The following DSCAML1 variants were observed in gnomAD, a reference collection of about 807,000 sequenced individuals.
DSCAML1 encodes cell adhesion molecule DSCAML1.
DSCAML1 carries 38 observed loss-of-function variants against 200.5 expected under a neutral mutation model. The ratio of observed to expected loss-of-function variants is 0.19; its 90% confidence interval spans 0.15 to 0.25. DSCAML1 has a LOEUF of 0.25. Among genes scored for constraint, DSCAML1 ranks in the 10% least tolerant of loss-of-function variants. DSCAML1 has a pLI of 1.00. For missense variants in DSCAML1, 2,223 were observed against 2,858.8 expected (o/e 0.78, Z 5.07); for synonymous variants, 1,215 against 1,165.0 (o/e 1.04, Z -0.87).
At position 117,430,915 on chromosome 11, in the gene DSCAML1, G is replaced by T; in HGVS notation, c.5493C>A (p.Ile1831=). The T allele has an allele frequency of 1.9e-6, 3 of 1,614,178 alleles. No homozygotes were observed. The highest frequency in any genetic ancestry group is 2.5e-6 in the Non-Finnish European group (3 of 1,180,040). The change falls in exon 32 of 33, where the codon ATC becomes ATA. Residue 1831 remains isoleucine, a synonymous_variant. Transcript: ENST00000651296. ...AACTGTCAGAGATGAAGCACTCGGT[G>T]ATCTCAAACTTGGCGTGCTGCAGCT... ...EEQLQHAKFE[I]TECFISDSSS...
intron 2 of DSCAML1, among the ~76,000 whole-genome samples, chr11:117,777,598 T>G (rs2055152322): frequency 6.6e-6 from 1 of 152,132 alleles, no homozygotes; most frequent in Non-Finnish European, 1.5e-5. Context: ...ATGGACACAG[T>G]CTCCAAGATT....
chr11:117,491,090 C>G (rs1175613765), intron 11 of DSCAML1, among the ~76,000 whole-genome samples: 1 of 152,108 alleles, frequency 6.6e-6, no homozygotes, highest in Non-Finnish European at 1.5e-5. Context: ...AGCGAGCGAG[C>G]AGTGTGTGTG....
chr11:117,438,756 G>A (rs2047975664), intron 24 of DSCAML1, 129 bp downstream of exon 24: 2 of 856,780 alleles, frequency 2.3e-6, no homozygotes, highest in Non-Finnish European at 3.3e-6. Flanking sequence ...TGACTTCCTT[G>A]TGGGTCACTT....
At chr11:117,486,345 T>G (rs904272746) in intron 11 of DSCAML1, among the ~76,000 whole-genome samples, 3 of 148,094 alleles carry the variant, frequency 2.0e-5, no homozygotes, top group East Asian at 2.0e-4. Context: ...ATGGCGGATG[T>G]GATAATGGCG....
Position 117,504,917 on chromosome 11 carries a change from G to A in DSCAML1, c.2182+7C>T, listed in dbSNP as rs757280256. 4 of 1,603,076 alleles carry A rather than the reference G, an allele frequency of 2.5e-6. No homozygotes were observed. In the South Asian group the frequency reaches 3.4e-5, roughly 14 times the overall value. On this transcript the variant is annotated splice_region_variant and intron_variant, in intron 10 of 32. Coordinates refer to ENST00000651296, the MANE Select transcript of DSCAML1 (RefSeq NM_020693.4). The surrounding 1 kb of genome is among the most constrained non-coding windows in gnomAD (Gnocchi z 5.0). ...TCTTGGAGATTCTGGCTGGGCCAGG[G>A]GCTTACCCTTGGCATGCTTCCACAT...
chr11:117,428,611 G>A lies in DSCAML1; in HGVS notation c.5879C>T (p.Ala1960Val), dbSNP rs546069251. 4 of 1,606,996 alleles carry A rather than the reference G, an allele frequency of 2.5e-6. No individual in the cohort carries two copies. Among genetic ancestry groups the A allele is most frequent in the Admixed American group, 3.4e-5 (2 of 59,182 alleles). The change falls in exon 33 of 33, where the codon GCC becomes GTC. Residue 1960 changes from alanine to valine, a missense_variant. This residue lies in a region of DSCAML1 where 280 missense variants were observed against 213.4 expected (regional missense o/e 1.31). Coordinates refer to ENST00000651296, the MANE Select transcript of DSCAML1 (RefSeq NM_020693.4). Reference protein sequence around the residue: ...SKSLGLPHPGAPAAASTATLP... With the variant: ...SKSLGLPHPGVPAAASTATLP... ...GGTGGCTGTGGAGGCGGCAGCGGGG[G>A]CCCCTGGGTGGGGAAGGCCCAAGGA...
chr11:117,438,976 CG>C lies in DSCAML1; in HGVS notation c.4151del (p.Pro1384ArgfsTer18). The stretch of plus-strand genomic sequence containing the variant: ...TGGAGACAGTGAGGCGGGGCTGGTC[CG>C]GGGGAACTGTGAGGGGAAAGCCACC... ...IIVNLLVQVPPDQPRLTVSKT... is the reference protein window; with the variant it reads ...IIVNLLVQVPXDQPRLTVSKT... On this transcript the variant is annotated frameshift_variant, in exon 24 of 33. Transcript: ENST00000651296. LOFTEE classifies it high-confidence loss of function. 6.2e-7 allele frequency: 1 copy of C among 1,603,756 alleles called. No homozygotes were observed. Among genetic ancestry groups the C allele is most frequent in the Non-Finnish European group, 8.5e-7 (1 of 1,176,360 alleles).
At chr11:117,654,191 G>C (rs2052688958) in intron 3 of DSCAML1, among the ~76,000 whole-genome samples, 1 of 152,172 alleles carries the variant, frequency 6.6e-6, no homozygotes, top group Non-Finnish European at 1.5e-5. Context: ...GGACAGAGGT[G>C]GGGTGGGGAA....
rs747573330 is a variant in DSCAML1 at position 117,518,482 on chromosome 11, C to T, written c.1494G>A (p.Ala498=). ...GACAGGCACCTCTTACGTTTATTCG[C>T]GCCTGATATTCAGCACTGCCCACCA... ...RNLVGSAEYQ[A]RINVRGPPSI... The change falls in exon 7 of 33, where the codon GCG becomes GCA. Residue 498 remains alanine (A), a synonymous_variant. Transcript: ENST00000651296. This position sits in a 1 kb window ranked among gnomAD's most constrained non-coding sequence, Gnocchi z 6.3. 9.3e-6 allele frequency: 15 copies of T among 1,614,114 alleles called. No individual in the cohort carries two copies. The highest frequency in any genetic ancestry group is 5.3e-5 in the African/African-American group (4 of 74,952).
intron 3 of DSCAML1, among the ~76,000 whole-genome samples, chr11:117,725,973 C>T (rs976674045): frequency 1.3e-5 from 2 of 152,194 alleles, no homozygotes; most frequent in African/African-American, 4.8e-5. Flanking sequence ...CACTCCCCAC[C>T]ATATTGAGTG....
chr11:117,690,670 T>G (rs899726741), intron 3 of DSCAML1, among the ~76,000 whole-genome samples: 4 of 152,226 alleles, frequency 2.6e-5, no homozygotes, highest in Non-Finnish European at 4.4e-5. Context: ...CTCTGGACCA[T>G]GCTCACCCCT....
Position 117,655,433 on chromosome 11 carries a change from G to C in DSCAML1, c.511+121358C>G, listed in dbSNP as rs142379875. On this transcript the variant is annotated intron_variant, in intron 3 of 32. Coordinates refer to ENST00000651296, the MANE Select transcript of DSCAML1 (RefSeq NM_020693.4). ...TTGGGTTCATAGTATCATCTTCATT[G>C]ATAGATGAGGAAACAGAAACTCAGA... is the stretch of plus-strand genomic sequence containing the variant. Among the ~76,000 whole-genome samples the C allele has an allele frequency of 2.9e-3, 446 of 152,296 alleles. 3 individuals carry two copies. The highest frequency in any genetic ancestry group is 9.8e-3 in the African/African-American group (407 of 41,558).
chr11:117,579,549 C>T (rs114667247), intron 3 of DSCAML1, among the ~76,000 whole-genome samples: 302 of 152,328 alleles, frequency 2.0e-3, no homozygotes, highest in African/African-American at 6.7e-3. Context: ...ACAGGCCTTC[C>T]CTGACCACCC....
intron 3 of DSCAML1, among the ~76,000 whole-genome samples, chr11:117,703,015 T>C (rs1315654054): frequency 6.6e-6 from 1 of 152,202 alleles, no homozygotes; most frequent in Non-Finnish European, 1.5e-5. Flanking sequence ...AGAGCAAACT[T>C]GCAGTTTCTC....
rs2048936449 is a variant in DSCAML1 at position 117,482,070 on chromosome 11, T to C, written c.2452A>G (p.Ile818Val). The change falls in exon 12 of 33, where the codon ATC (isoleucine) becomes GTC (valine). Residue 818 changes from isoleucine to valine, a missense_variant. Around this residue, in one of 7 missense-constraint regions of DSCAML1, gnomAD observed 438 missense variants for 629.7 expected, o/e 0.70. Coordinates refer to ENST00000651296, the MANE Select transcript of DSCAML1 (RefSeq NM_020693.4). ...TCCCCCTTCTCCCAGCGGATGATGATGGGCCGCTCACCCCGTGCCGTGCAG... is the reference window on the plus strand; with the variant it reads ...TCCCCCTTCTCCCAGCGGATGATGACGGGCCGCTCACCCCGTGCCGTGCAG... ...LNCTARGERP[I>V]IIRWEKGDTV... The C allele has an allele frequency of 1.2e-6, 2 of 1,614,180 alleles. No individual in the cohort carries two copies. Among genetic ancestry groups the C allele is most frequent in the Non-Finnish European group, 1.7e-6 (2 of 1,180,012 alleles).
chr11:117,687,411 C>T (rs1336979044), intron 3 of DSCAML1, among the ~76,000 whole-genome samples: 1 of 132,104 alleles, frequency 7.6e-6, no homozygotes, highest in Non-Finnish European at 1.6e-5. Flanking sequence ...CAGGTGTGCT[C>T]CACCATGCCT....
At chr11:117,758,176 C>G (rs796894129) in intron 3 of DSCAML1, among the ~76,000 whole-genome samples, 14 of 151,750 alleles carry the variant, frequency 9.2e-5, no homozygotes, top group African/African-American at 3.4e-4. Flanking sequence ...TGGCAGGTGC[C>G]TATAATCCCA....
At position 117,432,335 on chromosome 11, in the gene DSCAML1, C is replaced by A; in HGVS notation, c.5179+17G>T. On this transcript the variant is annotated intron_variant, in intron 30 of 32. Coordinates refer to ENST00000651296, the MANE Select transcript of DSCAML1 (RefSeq NM_020693.4). Reference sequence around the variant, plus strand: ...CCCGGTTGGGAAAAGGGCTGTCTCCCTGGGGATAATGCGTACTGGTTCCTG... The same window carrying A: ...CCCGGTTGGGAAAAGGGCTGTCTCCATGGGGATAATGCGTACTGGTTCCTG... The A allele has an allele frequency of 6.2e-7, 1 of 1,608,030 alleles. No individual in the cohort carries two copies.
chr11:117,624,272 C>T (rs1355716279), intron 3 of DSCAML1, among the ~76,000 whole-genome samples: 1 of 152,118 alleles, frequency 6.6e-6, no homozygotes, highest in Non-Finnish European at 1.5e-5. Flanking sequence ...CCAGGAGGGG[C>T]CACCTCAGCG....
Sources: gnomAD v4.1 joint callset for allele counts (sites outside exome capture counted in the v4.1 genomes callset) on GRCh38, gnomAD v4.1.1 for gene constraint, gnomAD v4.1.1 regional missense constraint, Gnocchi (gnomAD v3.1) non-coding constraint, MANE v1.5 for transcripts, NCBI Gene and HGNC (gene_info 2026-07-23, HGNC 2026-07-21) for gene names.